Variants in COL24A1 observed in about 807,000 individuals in gnomAD.
COL24A1 encodes the protein collagen alpha-1(XXIV) chain.
In COL24A1, 224 loss-of-function variants were observed where a neutral mutation model predicts 253.9. That is an observed-to-expected ratio of 0.88 (90% CI 0.79 to 0.99). The LOEUF (loss-of-function observed/expected upper bound fraction) is 0.99. COL24A1 is among the 50% of genes least tolerant of loss of function. COL24A1 has a pLI of 0.00. For missense variants in COL24A1, 2,131 were observed against 2,068.5 expected, an observed-to-expected ratio of 1.03 and a Z score of -0.59; for synonymous variants, 685 against 673.7, an observed-to-expected ratio of 1.02 and a Z score of -0.26.
chr1:85,740,048 A>G (rs1664443398), intron 57 of COL24A1, among the ~76,000 whole-genome samples: 1 of 152,056 alleles, frequency 6.6e-6, no homozygotes, highest in Admixed American at 6.6e-5. Flanking sequence ...ACAGTCCTTT[A>G]CTATAGTAAT....
chr1:86,045,753 T>G (rs1041641735), intron 12 of COL24A1: 1 of 355,418 alleles, frequency 2.8e-6, no homozygotes, highest in Non-Finnish European at 5.6e-6. Flanking sequence ...AACAAAATGT[T>G]TGGCTTATTT....
At chr1:85,832,043 G>A (rs917562829) in intron 43 of COL24A1, among the ~76,000 whole-genome samples, 1 of 151,834 alleles carries the variant, frequency 6.6e-6, no homozygotes, top group Non-Finnish European at 1.5e-5. Context: ...TTTCTTCTAG[G>A]GTTTTTATGG....
chr1:85,767,462 C>CATTTTATGGATT (rs1407641361), intron 53 of COL24A1, among the ~76,000 whole-genome samples: 1 of 152,056 alleles, frequency 6.6e-6, no homozygotes, highest in East Asian at 1.9e-4. Context: ...TTTAACGGCA[C>CATTTTATGGATT]ATTTTATGGA....
intron 31 of COL24A1, among the ~76,000 whole-genome samples, chr1:85,890,412 C>CTTT (rs35384514): frequency 4.4e-4 from 65 of 147,296 alleles, no homozygotes; most frequent in East Asian, 9.8e-4. Context: ...CACAAATTTT[C>CTTT]TTTTTTTTTT....
chr1:85,940,296 C>T lies in COL24A1; in HGVS notation c.2562+20953G>A, dbSNP rs1233098116. Among the ~76,000 whole-genome samples, 4 of 58,158 alleles carry T rather than the reference C, an allele frequency of 6.9e-5. 2 individuals carry two copies. The highest frequency in any genetic ancestry group is 2.1e-4 in the African/African-American group (4 of 18,728). The allele number at this position is 58,158 out of a possible 152,430, so 38.2% of individuals were successfully genotyped here. A position where few individuals can be genotyped will look rare whatever the true frequency, so the allele number is the denominator to read the frequency against. On this transcript the variant is annotated intron_variant, in intron 24 of 59. Transcript: ENST00000370571. ...GCGGGCGCCTGTAGTCCCAGCTACT[C>T]GGGAGGCTGAGGCAGGAGAATGGCG... is the stretch of plus-strand genomic sequence containing the variant.
intron 37 of COL24A1, among the ~76,000 whole-genome samples, chr1:85,850,620 T>A (rs1482620653): frequency 1.3e-5 from 2 of 152,126 alleles, no homozygotes; most frequent in Non-Finnish European, 2.9e-5. Flanking sequence ...TCATAGAGAT[T>A]AAAGGTGTGA....
intron 32 of COL24A1, chr1:85,883,835 A>G (rs755347104): frequency 6.6e-6 from 1 of 152,154 alleles, no homozygotes; most frequent in Non-Finnish European, 1.5e-5. Context: ...CCACTTCATG[A>G]GTAGTGCCAA....
chr1:86,000,243 T>C (rs180826358), intron 19 of COL24A1, among the ~76,000 whole-genome samples: 1 of 152,344 alleles, frequency 6.6e-6, no homozygotes, highest in Admixed American at 6.5e-5. Flanking sequence ...CACTGAACTA[T>C]AACAACTCCT....
At chr1:85,828,536 C>T (rs1405764915) in intron 43 of COL24A1, among the ~76,000 whole-genome samples, 1 of 151,390 alleles carries the variant, frequency 6.6e-6, no homozygotes, top group African/African-American at 2.4e-5. Context: ...TAAAGTCTCC[C>T]ATTATTATTG....
chr1:85,765,377 T>C (rs1471522793), intron 53 of COL24A1, among the ~76,000 whole-genome samples: 1 of 151,730 alleles, frequency 6.6e-6, no homozygotes, highest in Non-Finnish European at 1.5e-5. Flanking sequence ...TCTATAGCTG[T>C]AAGTTATATG....
At chr1:85,741,062 T>A (rs1254401270) in intron 57 of COL24A1, among the ~76,000 whole-genome samples, 1 of 144,866 alleles carries the variant, frequency 6.9e-6, no homozygotes, top group Non-Finnish European at 1.5e-5. Context: ...GAGGTTGCAG[T>A]GAGCCGAGAT....
chr1:86,130,747 C>G (rs1377942306), intron 2 of COL24A1, among the ~76,000 whole-genome samples: 1 of 151,934 alleles, frequency 6.6e-6, no homozygotes, highest in Non-Finnish European at 1.5e-5. Flanking sequence ...AGGCAATCAG[C>G]AAAGTTAATC....
chr1:86,121,934 T>C (rs1219360465), intron 3 of COL24A1, among the ~76,000 whole-genome samples: 2 of 152,028 alleles, frequency 1.3e-5, no homozygotes, highest in East Asian at 1.9e-4. Flanking sequence ...AAGAACTGCA[T>C]GGGTATATAG....
At chr1:85,977,093 G>C (rs1053969540) in intron 20 of COL24A1, among the ~76,000 whole-genome samples, 1 of 152,160 alleles carries the variant, frequency 6.6e-6, no homozygotes, top group African/African-American at 2.4e-5. Flanking sequence ...TGGTAGCCCT[G>C]CTGGGTGGCC....
chr1:85,939,624 C>G (rs1688549782), intron 24 of COL24A1, among the ~76,000 whole-genome samples: 1 of 152,094 alleles, frequency 6.6e-6, no homozygotes, highest in African/African-American at 2.4e-5. Context: ...GAGGAGAAAA[C>G]TTATAGAGCT....
chr1:86,053,535 C>T lies in COL24A1; in HGVS notation c.1852-3358G>A, dbSNP rs114051935. On this transcript the variant is annotated intron_variant, in intron 10 of 59. Transcript: ENST00000370571. ...ATACCACCATGAAACTAGAGTTTAC[C>T]GTGTAATGAAACAAAGAACATTAAA... Among the ~76,000 whole-genome samples the T allele has an allele frequency of 5.9e-3, 891 of 151,920 alleles. 12 individuals are homozygous for T. The highest frequency in any genetic ancestry group is 0.046 in the East Asian group (240 of 5,170).
intron 7 of COL24A1, among the ~76,000 whole-genome samples, chr1:86,080,150 G>T (rs1702526912): frequency 6.6e-6 from 1 of 152,138 alleles, no homozygotes; most frequent in East Asian, 1.9e-4. Context: ...AGGCCATTAG[G>T]TTAAGTGAAA....
intron 24 of COL24A1, among the ~76,000 whole-genome samples, chr1:85,913,743 C>A (rs1213283562): frequency 2.6e-5 from 4 of 152,130 alleles, no homozygotes; most frequent in African/African-American, 9.7e-5. Context: ...CCTTAGGATA[C>A]GTCTTAATAT....
intron 32 of COL24A1, among the ~76,000 whole-genome samples, chr1:85,881,977 A>C (rs1681900367): frequency 6.6e-6 from 1 of 152,116 alleles, no homozygotes; most frequent in African/African-American, 2.4e-5. Context: ...CAGTGCTATA[A>C]ATTTCCCTCT....
Sources: allele counts gnomAD v4.1 joint callset (sites outside exome capture counted in the v4.1 genomes callset), GRCh38; gene constraint gnomAD v4.1.1; transcripts MANE v1.5; gene names NCBI Gene and HGNC (gene_info 2026-07-23, HGNC 2026-07-21).